Variants in COL23A1 observed in about 807,000 individuals in gnomAD.
COL23A1 encodes collagen type XXIII alpha 1 chain, also known as collagen alpha-1(XXIII) chain.
COL23A1 carries 97 observed loss-of-function variants against 99.3 expected under a neutral mutation model. That is an observed-to-expected ratio of 0.98 (90% CI 0.83 to 1.16). COL23A1 has a LOEUF of 1.16. COL23A1 is among the 50% of genes most tolerant of loss of function. COL23A1 has a pLI of 0.00. For missense variants in COL23A1, 762 were observed against 757.4 expected, an observed-to-expected ratio of 1.01 and a Z score of -0.07; for synonymous variants, 320 against 308.2, an observed-to-expected ratio of 1.04 and a Z score of -0.40.
intron 2 of COL23A1, among the ~76,000 whole-genome samples, chr5:178,435,633 G>A (rs559860236): frequency 3.3e-5 from 5 of 152,214 alleles, no homozygotes; most frequent in African/African-American, 1.2e-4. Flanking sequence ...TGGGCTTCCC[G>A]GGCAGCTGCA....
chr5:178,548,898 T>C (rs1225254386), intron 2 of COL23A1, among the ~76,000 whole-genome samples: 1 of 152,158 alleles, frequency 6.6e-6, no homozygotes, highest in East Asian at 1.9e-4. Flanking sequence ...GCAGACGAGA[T>C]GAATAGTAGT....
In COL23A1 at chr5:178,296,403, G is replaced by A. The variant is rs186774242; in HGVS notation, c.407-6034C>T. Reference sequence around the variant, plus strand: ...GCATTTTACAGATGAGGAAACTGAGGCCCAGAAAGGCTACCATGCCCAGGG... The same window carrying A: ...GCATTTTACAGATGAGGAAACTGAGACCCAGAAAGGCTACCATGCCCAGGG... On this transcript the variant is annotated intron_variant, in intron 3 of 28. Coordinates refer to ENST00000390654, the MANE Select transcript of COL23A1 (RefSeq NM_173465.4). 2.7e-3 allele frequency among the ~76,000 whole-genome samples: 418 copies of A among 152,252 alleles called. 3 individuals carry two copies. The highest frequency in any genetic ancestry group is 9.8e-3 in the African/African-American group (405 of 41,530).
At chr5:178,436,394 G>A (rs1766564211) in intron 2 of COL23A1, among the ~76,000 whole-genome samples, 1 of 146,200 alleles carries the variant, frequency 6.8e-6, no homozygotes, top group African/African-American at 2.5e-5. Flanking sequence ...AGAACCTCAG[G>A]ACCCTGCAAG....
intron 5 of COL23A1, among the ~76,000 whole-genome samples, chr5:178,283,122 G>A (rs1383155837): frequency 1.3e-5 from 2 of 152,106 alleles, no homozygotes; most frequent in Non-Finnish European, 2.9e-5. Flanking sequence ...CTGACCTCAA[G>A]TGATCCATCC....
At chr5:178,337,431 T>G (rs1212804216) in intron 2 of COL23A1, among the ~76,000 whole-genome samples, 2 of 152,150 alleles carry the variant, frequency 1.3e-5, no homozygotes, top group African/African-American at 4.8e-5. Flanking sequence ...AGTTTGAAAA[T>G]TGGTTCCATA....
intron 2 of COL23A1, among the ~76,000 whole-genome samples, chr5:178,372,179 G>A (rs1762833559): frequency 6.6e-6 from 1 of 152,232 alleles, no homozygotes; most frequent in Admixed American, 6.5e-5. Flanking sequence ...CAAAGACGGG[G>A]CTGACGCAGG....
Position 178,570,605 on chromosome 5 carries a change from A to T in COL23A1, c.295-9857T>A, listed in dbSNP as rs368400437. ...CTAGATTTGCCATTCTGCCTAAACA[A>T]CATCAACAACAAAAGCCACAAATGT... On this transcript the variant is annotated intron_variant, in intron 1 of 28. Transcript: ENST00000390654. Among the ~76,000 whole-genome samples the T allele has an allele frequency of 2.0e-5, 3 of 152,352 alleles. No homozygotes were observed. The East Asian group carries it at 5.8e-4, about 29-fold the overall frequency.
chr5:178,476,592 C>T (rs1251237891), intron 2 of COL23A1, among the ~76,000 whole-genome samples: 3 of 152,206 alleles, frequency 2.0e-5, no homozygotes, highest in Admixed American at 2.0e-4. Context: ...GCGCTGGGGG[C>T]AGGAATCTCG....
chr5:178,299,206 A>T (rs1457255323), intron 3 of COL23A1, among the ~76,000 whole-genome samples: 1 of 152,162 alleles, frequency 6.6e-6, no homozygotes, highest in Non-Finnish European at 1.5e-5. Context: ...CTATTTTTTA[A>T]AGGGTTTGTG....
chr5:178,491,068 A>C (rs898955672), intron 2 of COL23A1, among the ~76,000 whole-genome samples: 2 of 151,790 alleles, frequency 1.3e-5, no homozygotes, highest in Non-Finnish European at 2.9e-5. Context: ...AGAGAAAAAG[A>C]GGAAAGAAGG....
chr5:178,264,543 C>A (rs1207439184), intron 8 of COL23A1, among the ~76,000 whole-genome samples: 1 of 152,174 alleles, frequency 6.6e-6, no homozygotes, highest in African/African-American at 2.4e-5. Flanking sequence ...TCGCACAGGG[C>A]AGAGCCACAG....
chr5:178,582,943 C>T (rs184050816), intron 1 of COL23A1, among the ~76,000 whole-genome samples: 2 of 152,230 alleles, frequency 1.3e-5, no homozygotes, highest in African/African-American at 4.8e-5. Context: ...ACACAGGGTT[C>T]GCAGACATTC....
At chr5:178,315,762 CTTTTTTTTTTT>C (rs34604670) in intron 2 of COL23A1, among the ~76,000 whole-genome samples, 3 of 96,730 alleles carry the variant, frequency 3.1e-5, no homozygotes, top group African/African-American at 7.9e-5. Context: ...GAAGCACTGA[CTTTTTTTTTTT>C]TTTTTTTTTT....
rs1470936838 is a variant in COL23A1, at chr5:178,245,964, C to G, written c.1418G>C (p.Arg473Thr). The change falls in exon 25 of 29, where the codon AGA becomes ACA. Residue 473 changes from arginine (R) to threonine (T), a missense_variant. Arg to Thr is a moderately conservative substitution (Grantham distance 71). Coordinates refer to ENST00000390654, the MANE Select transcript of COL23A1 (RefSeq NM_173465.4). ...GLPGTKGEKG[R>T]PGEPGLDGFP... ...TACATCTAGTCCTGGCTCCCCGGGT[C>G]TGCCCTGAGGAGAGACACAGAGTGG... 1.2e-6 allele frequency: 2 copies of G among 1,614,002 alleles called. No homozygotes were observed. The highest frequency in any genetic ancestry group is 2.7e-5 in the African/African-American group (2 of 74,938).
rs111529383 is a variant in COL23A1, at chr5:178,537,825, G to A, written c.361+22857C>T. Among the ~76,000 whole-genome samples, 68 of 152,338 alleles carry A rather than the reference G, an allele frequency of 4.5e-4. 1 individual carries two copies. Among genetic ancestry groups the A allele is most frequent in the African/African-American group, 1.5e-3 (64 of 41,582 alleles). On this transcript the variant is annotated intron_variant, in intron 2 of 28. Transcript: ENST00000390654. ...TTTCCCATGGCAGCCACAAGTGCAC[G>A]GCTCAGTGGCGGTAAGTACATTCAC...
intron 2 of COL23A1, among the ~76,000 whole-genome samples, chr5:178,548,504 C>A (rs1761832822): frequency 6.6e-6 from 1 of 152,016 alleles, no homozygotes; most frequent in African/African-American, 2.4e-5. Context: ...TCCACCTCCA[C>A]GTCCTGCCAA....
intron 2 of COL23A1, among the ~76,000 whole-genome samples, chr5:178,540,655 C>T (rs1178761137): frequency 6.6e-6 from 1 of 151,918 alleles, no homozygotes; most frequent in South Asian, 2.1e-4. Flanking sequence ...GGCGTGGTGG[C>T]TCATGCCTGC....
intron 2 of COL23A1, among the ~76,000 whole-genome samples, chr5:178,403,496 G>GTCCA (rs1394437298): frequency 1.4e-4 from 22 of 152,208 alleles, no homozygotes; most frequent in Non-Finnish European, 4.4e-5. Context: ...CATCGATGGT[G>GTCCA]TCCACTCAGC....
At chr5:178,287,028 A>C (rs1264498211) in intron 5 of COL23A1, among the ~76,000 whole-genome samples, 1 of 152,214 alleles carries the variant, frequency 6.6e-6, no homozygotes, top group African/African-American at 2.4e-5. Flanking sequence ...TACAGCGAAT[A>C]ATGCCAAGAT....
Sources: allele counts gnomAD v4.1 joint callset (sites outside exome capture counted in the v4.1 genomes callset), GRCh38; gene constraint gnomAD v4.1.1; transcripts MANE v1.5; gene names NCBI Gene and HGNC (gene_info 2026-07-23, HGNC 2026-07-21).